The following LRPAP1 variants were observed in gnomAD, a reference collection of about 807,000 sequenced individuals.
The protein encoded by LRPAP1 is LDL receptor related protein associated protein 1, also known as alpha-2-macroglobulin receptor-associated protein.
LRPAP1 carries 41 observed loss-of-function variants against 39.9 expected under a neutral mutation model. That is an observed-to-expected ratio of 1.03 (90% CI 0.80 to 1.33). The LOEUF (loss-of-function observed/expected upper bound fraction) is 1.33. Ranked by LOEUF, LRPAP1 falls within the 40% of genes most tolerant of loss-of-function variation. LRPAP1 has a pLI of 0.00. For synonymous variants in LRPAP1, 263 were observed against 212.7 expected (o/e 1.24, Z -2.06); for missense variants, 565 against 482.3 (o/e 1.17, Z -1.61).
intron 1 of LRPAP1, among the ~76,000 whole-genome samples, chr4:3,529,331 C>CA (rs1310935236): frequency 3.1e-4 from 47 of 150,798 alleles, no homozygotes; most frequent in Non-Finnish European, 1.8e-4. Context: ...TCAAAAAAAA[C>CA]AAAAAAACAA....
rs1176812869 is a variant in LRPAP1 at position 3,505,347 on chromosome 4, C to T, written c.*7627G>A. Reference sequence around the variant, plus strand: ...CCCCCCAGCTCCAAATCCAGCATCCCTCCCCGGTGCCTAGCCCTCGCCAGG... The same window carrying T: ...CCCCCCAGCTCCAAATCCAGCATCCTTCCCCGGTGCCTAGCCCTCGCCAGG... On this transcript the variant is annotated 3_prime_UTR_variant, in exon 8 of 8. Coordinates refer to ENST00000650182, the MANE Select transcript of LRPAP1 (RefSeq NM_002337.4). 6.6e-6 allele frequency among the ~76,000 whole-genome samples: 1 copy of T among 152,238 alleles called. No homozygotes were observed. The highest frequency in any genetic ancestry group is 6.5e-5 in the Admixed American group (1 of 15,292).
rs550485897 is a variant in LRPAP1 at position 3,517,731 on chromosome 4, G to C, written c.751+303C>G. 294 of 300,000 alleles carry C rather than the reference G, an allele frequency of 9.8e-4. 4 individuals carry two copies. The highest frequency in any genetic ancestry group is 6.1e-3 in the African/African-American group (278 of 45,906). The allele number at this position is 300,000 out of a possible 1,614,324, so 18.6% of individuals were successfully genotyped here. The stretch of plus-strand genomic sequence containing the variant: ...TGGTCTCTGTTCTTGGCCAACAGCA[G>C]CACGGGAGGGGCCGTGCTGCTGAGG... On this transcript the variant is annotated intron_variant, in intron 5 of 7. Transcript: ENST00000650182.
intron 2 of LRPAP1, 152 bp from the exon 3 acceptor site, chr4:3,520,345 C>G: frequency 1.4e-6 from 1 of 738,168 alleles, no homozygotes; most frequent in Non-Finnish European, 2.2e-6. Flanking sequence ...CACTGGAGAT[C>G]TGGGGAGAAC....
intron 1 of LRPAP1, among the ~76,000 whole-genome samples, chr4:3,526,925 T>C (rs1224059266): frequency 2.0e-5 from 3 of 152,158 alleles, no homozygotes; most frequent in Non-Finnish European, 4.4e-5. Context: ...GTTTAAAATT[T>C]AGTTAGGGAT....
In LRPAP1 at chr4:3,508,978, A is replaced by C. The variant is rs994778479; in HGVS notation, c.*3996T>G. 1 of 152,220 alleles carries C rather than the reference A, an allele frequency of 6.6e-6. No homozygotes were observed. The highest frequency in any genetic ancestry group is 2.4e-5 in the African/African-American group (1 of 41,444). 9.4% of individuals were successfully genotyped at this position (152,220 alleles called of 1,614,324 possible). A position where few individuals can be genotyped will look rare whatever the true frequency, so the allele number is the denominator to read the frequency against. The stretch of plus-strand genomic sequence containing the variant: ...ACACGCGTGTGCACACGGAAACCCC[A>C]CGAGTCCACAGAAACACCGCCATGG... On this transcript the variant is annotated 3_prime_UTR_variant, in exon 8 of 8. Transcript: ENST00000650182.
rs1326824843 is a variant in LRPAP1, at chr4:3,505,305, A to G, written c.*7669T>C. Among the ~76,000 whole-genome samples the G allele has an allele frequency of 6.6e-6, 1 of 152,178 alleles. No homozygotes were observed. The highest frequency in any genetic ancestry group is 1.5e-5 in the Non-Finnish European group (1 of 68,012). The stretch of plus-strand genomic sequence containing the variant: ...ATGGCACCCGGAGCACTGGAGCCCA[A>G]TGCAGGGTGACCCCTTCCCCCCAGC... On this transcript the variant is annotated 3_prime_UTR_variant, in exon 8 of 8. Coordinates refer to ENST00000650182, the MANE Select transcript of LRPAP1 (RefSeq NM_002337.4).
chr4:3,529,299 G>A (rs998684289), intron 1 of LRPAP1, among the ~76,000 whole-genome samples: 18 of 152,088 alleles, frequency 1.2e-4, no homozygotes, highest in African/African-American at 3.4e-4. Context: ...CCCCAGCCTC[G>A]GCGACAGAGT....
At chr4:3,528,750 C>A (rs1299686478) in intron 1 of LRPAP1, among the ~76,000 whole-genome samples, 1 of 152,186 alleles carries the variant, frequency 6.6e-6, no homozygotes, top group Non-Finnish European at 1.5e-5. Flanking sequence ...AGCCACTGTG[C>A]CCCAGCTCCT....
intron 5 of LRPAP1, among the ~76,000 whole-genome samples, chr4:3,517,462 G>A (rs746321000): frequency 1.3e-5 from 2 of 152,228 alleles, no homozygotes; most frequent in East Asian, 1.9e-4. Context: ...GTACAGAATC[G>A]GAAGCTGCGT....
Position 3,509,993 on chromosome 4 carries a change from G to T in LRPAP1, c.*2981C>A, listed in dbSNP as rs1430986239. On this transcript the variant is annotated 3_prime_UTR_variant, in exon 8 of 8. Coordinates refer to ENST00000650182, the MANE Select transcript of LRPAP1 (RefSeq NM_002337.4). Reference sequence around the variant, plus strand: ...GAAATTCCAGAAGGCATGTTTTTTTGGTAGAAATTGAGACACTGATTGTAA... The same window carrying T: ...GAAATTCCAGAAGGCATGTTTTTTTTGTAGAAATTGAGACACTGATTGTAA... 1 of 152,170 alleles carries T rather than the reference G, an allele frequency of 6.6e-6. No individual in the cohort carries two copies. The highest frequency in any genetic ancestry group is 1.5e-5 in the Non-Finnish European group (1 of 68,022). The allele number at this position is 152,170 out of a possible 1,614,324, so 9.4% of individuals were successfully genotyped here.
At chr4:3,524,307 T>A (rs1730011203) in intron 2 of LRPAP1, among the ~76,000 whole-genome samples, 1 of 152,218 alleles carries the variant, frequency 6.6e-6, no homozygotes, top group Non-Finnish European at 1.5e-5. Flanking sequence ...TGCCTCTTCT[T>A]GAATACCCAC....
chr4:3,515,833 C>A (rs908466779), intron 6 of LRPAP1: 12 of 485,454 alleles, frequency 2.5e-5, no homozygotes, highest in African/African-American at 5.9e-5. Flanking sequence ...TCCCGACCAA[C>A]TGTTGACCAT....
chr4:3,525,372 G>C (rs1024450897), intron 1 of LRPAP1, among the ~76,000 whole-genome samples: 3 of 152,108 alleles, frequency 2.0e-5, no homozygotes, highest in Admixed American at 6.5e-5. Context: ...TCGGGCACTC[G>C]GATAAACAGA....
rs146918395 is a variant in LRPAP1, at chr4:3,523,630, C to T, written c.349+1277G>A. Among the ~76,000 whole-genome samples, 708 of 152,346 alleles carry T rather than the reference C, an allele frequency of 4.6e-3. 5 individuals are homozygous for T. The highest frequency in any genetic ancestry group is 0.016 in the African/African-American group (683 of 41,578). On this transcript the variant is annotated intron_variant, in intron 2 of 7. Coordinates refer to ENST00000650182, the MANE Select transcript of LRPAP1 (RefSeq NM_002337.4). The stretch of plus-strand genomic sequence containing the variant: ...GACAAATCACCCTCTCTGAGCCTGT[C>T]AAATGGGACGACAACGAGTTTTGAG...
rs62272702 is a variant in LRPAP1, at chr4:3,512,322, T to C, written c.*652A>G. On this transcript the variant is annotated 3_prime_UTR_variant, in exon 8 of 8. Transcript: ENST00000650182. ...GTCCCTGAGCTGCAGAGGTGAGAGT[T>C]GAAAGACGCTGCCCCCAGGCCACAG... is the stretch of plus-strand genomic sequence containing the variant. The C allele has an allele frequency of 0.016, 2,390 of 152,572 alleles. 22 individuals are homozygous for C. The highest frequency in any genetic ancestry group is 0.023 in the Non-Finnish European group (1,563 of 68,244). The allele number at this position is 152,572 out of a possible 1,614,324, so 9.5% of individuals were successfully genotyped here.
rs941682006 is a variant in LRPAP1, at chr4:3,514,603, C to G, written c.1011+149G>C. 4 of 1,068,560 alleles carry G rather than the reference C, an allele frequency of 3.7e-6. No homozygotes were observed. In the African/African-American group the frequency reaches 6.4e-5, roughly 17 times the overall value. The allele number at this position is 1,068,560 out of a possible 1,614,324, so 66.2% of individuals were successfully genotyped here. ...CTGCTGTGGCCTTCAGTGCCCCACA[C>G]ACTTGTGGCCCTGGGGTTCAACTCG... On this transcript the variant is annotated intron_variant, in intron 7 of 7. Transcript: ENST00000650182.
rs762417810 is a variant in LRPAP1 at position 3,532,374 on chromosome 4, G to T, written c.39C>A (p.Leu13=). ...AGAGCAGCAGCAGTAGCAGCGCCGG[G>T]AGCCCGCGCAGAAACGACCTGACCC... ...PRRVRSFLRG[L]PALLLLLLFL... Residue 13 remains leucine, a synonymous_variant, in exon 1 of 8, where the codon CTC becomes CTA. Transcript: ENST00000650182. 33 of 1,592,368 alleles carry T rather than the reference G, an allele frequency of 2.1e-5. No individual in the cohort carries two copies. The highest frequency in any genetic ancestry group is 1.1e-5 in the Non-Finnish European group (13 of 1,170,138).
intron 1 of LRPAP1, among the ~76,000 whole-genome samples, chr4:3,528,528 C>T (rs1076897): frequency 6.6e-6 from 1 of 152,202 alleles, no homozygotes; most frequent in African/African-American, 2.4e-5. Context: ...CTGCACACAC[C>T]GCACAGTTCA....
At position 3,514,870 on chromosome 4, in the gene LRPAP1, A is replaced by AC; in HGVS notation, c.892_893insG (p.Leu298ArgfsTer109). On this transcript the variant is annotated frameshift_variant, in exon 7 of 8. Transcript: ENST00000650182. LOFTEE classifies it high-confidence loss of function. The stretch of plus-strand genomic sequence containing the variant: ...CCTCAGCTTCTCGTGCGCAATCTCC[A>AC]GCTGCTTCTGGTAGTGGTTGTGCTT... 1.9e-6 allele frequency: 3 copies of AC among 1,613,850 alleles called. No individual in the cohort carries two copies. The highest frequency in any genetic ancestry group is 2.5e-6 in the Non-Finnish European group (3 of 1,179,898).
Sources: gnomAD v4.1 joint callset for allele counts (sites outside exome capture counted in the v4.1 genomes callset) on GRCh38, gnomAD v4.1.1 for gene constraint, MANE v1.5 for transcripts, NCBI Gene and HGNC (gene_info 2026-07-23, HGNC 2026-07-21) for gene names.